Variants in GAS2L1 observed in about 807,000 individuals in gnomAD.
GAS2L1 encodes the protein growth arrest specific 2 like 1.
Under a neutral mutation model 44.0 loss-of-function variants are expected in GAS2L1, and 26 were observed. The observed-to-expected ratio is 0.59, with a 90% CI of 0.43 to 0.82. GAS2L1 has a LOEUF of 0.82. Among genes scored for constraint, GAS2L1 ranks in the 40% least tolerant of loss-of-function variants. The pLI is 0.00. For missense variants in GAS2L1, 1,006 were observed against 983.0 expected, an observed-to-expected ratio of 1.02 and a Z score of -0.31; for synonymous variants, 426 against 415.9, an observed-to-expected ratio of 1.02 and a Z score of -0.30.
In GAS2L1 at chr22:29,310,918, G is replaced by C. The variant is rs777743539; in HGVS notation, c.930G>C (p.Gly310=). 8.7e-6 allele frequency: 14 copies of C among 1,613,628 alleles called. No homozygotes were observed. In the South Asian group the frequency reaches 1.4e-4, roughly 16 times the overall value. Residue 310 remains glycine (G), a synonymous_variant, in exon 4 of 5, where the codon GGG becomes GGC. Transcript: ENST00000618518. The stretch of plus-strand genomic sequence containing the variant: ...CCCGCCCTGCTAGCCCAGTCCCTGG[G>C]AGTGAGCGCCGGGGCTCCCGGCCTG...
intron 1 of GAS2L1, among the ~76,000 whole-genome samples, chr22:29,309,152 G>A (rs2061379462): frequency 6.6e-6 from 1 of 152,344 alleles, no homozygotes; most frequent in Middle Eastern, 3.4e-3. Context: ...CGGGTGCTGT[G>A]ATGCTCGGTT....
At chr22:29,312,589 G>C in exon 5 of GAS2L1, 4 of 953,702 alleles carry the variant, frequency 4.2e-6, no homozygotes, top group Non-Finnish European at 6.0e-6. Flanking sequence ...TCTGCCTCTT[G>C]AGTACCAGAC....
exon 4 of GAS2L1, chr22:29,310,878 C>T (rs1488127764): frequency 6.2e-7 from 1 of 1,613,156 alleles, no homozygotes; most frequent in Admixed American, 1.7e-5. Context: ...CAGAGGGTGT[C>T]GCCCACCACC....
At chr22:29,311,961 C>A (rs573703880) in exon 5 of GAS2L1, 4 of 1,608,208 alleles carry the variant, frequency 2.5e-6, no homozygotes, top group Non-Finnish European at 3.4e-6. Context: ...CAGCATCTTC[C>A]GCACACCCCT....
At chr22:29,311,879 T>C in exon 5 of GAS2L1, 1 of 1,598,396 alleles carries the variant, frequency 6.3e-7, no homozygotes. Context: ...AGACTCCCCG[T>C]GCCCGCAGCC....
At chr22:29,307,888 T>G in exon 1 of GAS2L1, 2 of 404,092 alleles carry the variant, frequency 4.9e-6, no homozygotes, top group Non-Finnish European at 8.7e-6. Flanking sequence ...AATTATCCCA[T>G]AGAGTCCTAT....
chr22:29,308,509 G>A (rs748400918), exon 1 of GAS2L1: 3 of 1,609,016 alleles, frequency 1.9e-6, no homozygotes, highest in Non-Finnish European at 8.5e-7. Flanking sequence ...AACGAGAAGA[G>A]CGTGGTGCTG....
chr22:29,308,551 G>C (rs572530394), exon 1 of GAS2L1: 1 of 1,598,896 alleles, frequency 6.3e-7, no homozygotes, highest in South Asian at 1.1e-5. Context: ...CGTGGGGCAC[G>C]CCTGGGCCTG....
chr22:29,311,212 G>A (rs1269549145), intron 4 of GAS2L1: 4 of 598,422 alleles, frequency 6.7e-6, no homozygotes, highest in Non-Finnish European at 1.2e-5. Context: ...AGCCAGTCCA[G>A]CTCTTGCTTC....
chr22:29,309,353 G>GCC (rs2061380911), intron 1 of GAS2L1, among the ~76,000 whole-genome samples: 1 of 152,218 alleles, frequency 6.6e-6, no homozygotes, highest in Non-Finnish European at 1.5e-5. Context: ...GCTGGGCCCT[G>GCC]CCCCCAAGTC....
Position 29,308,242 on chromosome 22 carries a change from C to A in GAS2L1, c.137C>A (p.Pro46Gln). The A allele has an allele frequency of 6.2e-7, 1 of 1,608,850 alleles. No individual in the cohort carries two copies. The highest frequency in any genetic ancestry group is 2.2e-5 in the East Asian group (1 of 44,666). Reference sequence around the variant, plus strand: ...AATGCCTTGTACGGCCTGGGTCTCCCGGGTGGTGGCGATGGCTTCCTGACA... The same window carrying A: ...AATGCCTTGTACGGCCTGGGTCTCCAGGGTGGTGGCGATGGCTTCCTGACA... Residue 46 changes from proline to glutamine, a missense_variant, in exon 1 of 5, where the codon CCG becomes CAG. By Grantham distance (76) the Pro-to-Gln change is moderately conservative. Coordinates refer to ENST00000618518, the Ensembl canonical transcript of GAS2L1.
chr22:29,311,179 G>A, intron 4 of GAS2L1, 181 bp downstream of exon 5: 1 of 623,982 alleles, frequency 1.6e-6, no homozygotes. Context: ...ACACAGCTGG[G>A]GCGGGCCCTG....
At chr22:29,310,908 C>T in exon 4 of GAS2L1, 6 of 1,613,722 alleles carry the variant, frequency 3.7e-6, no homozygotes, top group Non-Finnish European at 5.1e-6. Flanking sequence ...CCTGCTAGCC[C>T]AGTCCCTGGG....
At chr22:29,308,568 C>T in exon 1 of GAS2L1, 3 of 1,598,696 alleles carry the variant, frequency 1.9e-6, no homozygotes, top group South Asian at 2.2e-5. Context: ...CCTGCTGGCC[C>T]CACGCCTCGT....
exon 2 of GAS2L1, chr22:29,310,478 T>A: frequency 6.2e-7 from 1 of 1,612,278 alleles, no homozygotes; most frequent in Admixed American, 1.7e-5. Flanking sequence ...CCCTGACCAG[T>A]TTCCCATGAT....
At chr22:29,307,519 T>C (rs2061361296) in exon 1 of GAS2L1, 1 of 152,278 alleles carries the variant, frequency 6.6e-6, no homozygotes, top group Non-Finnish European at 1.5e-5. Context: ...ATCTATAAAA[T>C]GGAGATAATG....
At chr22:29,312,149 C>T in exon 5 of GAS2L1, 1 of 1,612,990 alleles carries the variant, frequency 6.2e-7, no homozygotes, top group African/African-American at 1.3e-5. Flanking sequence ...CCAGTTCCTC[C>T]TCTTCGTCCC....
chr22:29,308,229 G>T, exon 1 of GAS2L1: 1 of 1,609,160 alleles, frequency 6.2e-7, no homozygotes, highest in Non-Finnish European at 8.5e-7. Context: ...TGCCTTGTAC[G>T]GCCTGGGTCT....
exon 5 of GAS2L1, chr22:29,312,273 T>C: frequency 6.2e-7 from 1 of 1,611,026 alleles, no homozygotes; most frequent in Non-Finnish European, 8.5e-7. Flanking sequence ...AGGCAGCCCC[T>C]GCCCTGGCAT....
Sources: gnomAD v4.1 joint callset for allele counts (sites outside exome capture counted in the v4.1 genomes callset) on GRCh38, gnomAD v4.1.1 for gene constraint, MANE v1.5 for transcripts, NCBI Gene and HGNC (gene_info 2026-07-23, HGNC 2026-07-21) for gene names.